Variants in ZNF385D observed in about 807,000 individuals in gnomAD.
The protein encoded by ZNF385D is zinc finger protein 659.
A neutral mutation model predicts 35.8 loss-of-function variants in ZNF385D; 15 were observed. The observed-to-expected ratio is 0.42, with a 90% confidence interval of 0.28 to 0.64. The LOEUF is 0.64. Ranked by LOEUF, ZNF385D falls within the 30% of genes least tolerant of loss-of-function variation. The pLI, the probability that ZNF385D is intolerant of heterozygous loss-of-function variation, is 0.23. For synonymous variants in ZNF385D, 212 were observed against 186.8 expected, an observed-to-expected ratio of 1.13 and a Z score of -1.10; for missense variants, 474 against 494.6, an observed-to-expected ratio of 0.96 and a Z score of 0.39.
chr3:22,341,732 C>T (rs1695428736), intron 2 of ZNF385D, among the ~76,000 whole-genome samples: 1 of 152,182 alleles, frequency 6.6e-6, no homozygotes, highest in Non-Finnish European at 1.5e-5. Flanking sequence ...AAACTCATAA[C>T]TGCCTATGGA....
intron 1 of ZNF385D, among the ~76,000 whole-genome samples, chr3:21,705,934 T>C (rs2125397928): frequency 6.6e-6 from 1 of 152,304 alleles, no homozygotes. Flanking sequence ...GCCTGGGACA[T>C]GTGCCCAGAT....
At chr3:22,194,702 C>G (rs112935128) in intron 2 of ZNF385D, among the ~76,000 whole-genome samples, 6 of 151,896 alleles carry the variant, frequency 4.0e-5, no homozygotes, top group African/African-American at 1.4e-4. Flanking sequence ...CTAATCTGTT[C>G]TATGTCATTC....
rs141644250 is a variant in ZNF385D, at chr3:21,685,893, C to A, written c.23-20865G>T. Among the ~76,000 whole-genome samples, 22 of 152,192 alleles carry A rather than the reference C, an allele frequency of 1.4e-4. No individual in the cohort carries two copies. The East Asian group carries it at 3.1e-3, about 21-fold the overall frequency. Reference sequence around the variant, plus strand: ...CATGAAAGCAAGACAGGTGAATTCTCCCAGGCAATAATTCCTCAACTGAGA... The same window carrying A: ...CATGAAAGCAAGACAGGTGAATTCTACCAGGCAATAATTCCTCAACTGAGA... On this transcript the variant is annotated intron_variant, in intron 1 of 7. Transcript: ENST00000281523.
chr3:21,636,678 G>C (rs2065460787), intron 2 of ZNF385D, among the ~76,000 whole-genome samples: 1 of 151,518 alleles, frequency 6.6e-6, no homozygotes, highest in South Asian at 2.1e-4. Flanking sequence ...ATTAAGGGTG[G>C]ATCTGCCTTT....
At chr3:22,136,303 G>A (rs756446768) in intron 3 of ZNF385D, among the ~76,000 whole-genome samples, 9 of 152,014 alleles carry the variant, frequency 5.9e-5, no homozygotes, top group Non-Finnish European at 1.0e-4. Flanking sequence ...TACGAGAATC[G>A]CTTGAACCTG....
chr3:21,585,908 T>TA (rs1429199023), intron 2 of ZNF385D, among the ~76,000 whole-genome samples: 1 of 152,182 alleles, frequency 6.6e-6, no homozygotes, highest in African/African-American at 2.4e-5. Context: ...GTAGCTCATG[T>TA]CTGTAGTCCT....
At chr3:21,545,810 G>A (rs1236680134) in intron 3 of ZNF385D, among the ~76,000 whole-genome samples, 2 of 152,276 alleles carry the variant, frequency 1.3e-5, no homozygotes, top group South Asian at 2.1e-4. Flanking sequence ...AGTAAAGAGT[G>A]TCACTTTCTA....
intron 3 of ZNF385D, among the ~76,000 whole-genome samples, chr3:21,889,731 C>G (rs1270333098): frequency 6.6e-6 from 1 of 152,106 alleles, no homozygotes; most frequent in Non-Finnish European, 1.5e-5. Flanking sequence ...TTTACAAGGG[C>G]TGCCATGACA....
chr3:22,267,552 C>A (rs1425481593), intron 2 of ZNF385D, among the ~76,000 whole-genome samples: 1 of 151,804 alleles, frequency 6.6e-6, no homozygotes, highest in African/African-American at 2.4e-5. Flanking sequence ...ATCAATATTT[C>A]TCAGTAAGAA....
At chr3:21,839,669 C>G (rs1575753958) in intron 3 of ZNF385D, among the ~76,000 whole-genome samples, 2 of 151,986 alleles carry the variant, frequency 1.3e-5, no homozygotes, top group African/African-American at 4.8e-5. Flanking sequence ...GACTCCAGAC[C>G]ACATCACTTT....
At chr3:21,687,979 C>G (rs537045214) in intron 1 of ZNF385D, among the ~76,000 whole-genome samples, 2 of 152,112 alleles carry the variant, frequency 1.3e-5, no homozygotes, top group East Asian at 1.9e-4. Context: ...ACTGCAAGCT[C>G]GAGCTCCTAA....
chr3:21,730,928 C>T (rs1341615097), intron 1 of ZNF385D, among the ~76,000 whole-genome samples: 2 of 152,126 alleles, frequency 1.3e-5, no homozygotes, highest in Non-Finnish European at 2.9e-5. Context: ...AATGCTTTTC[C>T]TACTGAGGCT....
chr3:22,119,661 G>C (rs1030255888), intron 3 of ZNF385D, among the ~76,000 whole-genome samples: 2 of 152,040 alleles, frequency 1.3e-5, no homozygotes, highest in African/African-American at 4.8e-5. Context: ...CACTGTGCAG[G>C]ACAGGTTGCT....
At chr3:22,036,189 G>A (rs1024613319) in intron 3 of ZNF385D, among the ~76,000 whole-genome samples, 2 of 152,134 alleles carry the variant, frequency 1.3e-5, no homozygotes, top group African/African-American at 4.8e-5. Context: ...CAGGTGAAAG[G>A]GAAAGGATTC....
chr3:21,634,576 T>C (rs2065375401), intron 2 of ZNF385D, among the ~76,000 whole-genome samples: 1 of 152,030 alleles, frequency 6.6e-6, no homozygotes, highest in South Asian at 2.1e-4. Context: ...ATTCAAATAT[T>C]TTTTTAGTCA....
intron 3 of ZNF385D, among the ~76,000 whole-genome samples, chr3:21,959,141 A>G (rs3821387): frequency 0.27 from 41,288 of 152,142 alleles, 5,818 homozygotes; most frequent in South Asian, 0.38. Flanking sequence ...CACAAATAAC[A>G]TATAATTCCA....
intron 2 of ZNF385D, among the ~76,000 whole-genome samples, chr3:22,300,989 T>A (rs1477400919): frequency 6.6e-6 from 1 of 152,096 alleles, no homozygotes; most frequent in Non-Finnish European, 1.5e-5. Flanking sequence ...TGTATTCCCA[T>A]GTTCTTTGCA....
intron 3 of ZNF385D, among the ~76,000 whole-genome samples, chr3:22,143,122 G>T (rs866858306): frequency 1.4e-5 from 2 of 142,868 alleles, no homozygotes; most frequent in Non-Finnish European, 3.0e-5. Context: ...TCACTCTGTC[G>T]CCCAGGCTGG....
intron 4 of ZNF385D, among the ~76,000 whole-genome samples, chr3:21,484,288 G>A (rs574847347): frequency 4.6e-5 from 7 of 152,272 alleles, no homozygotes; most frequent in Admixed American, 1.3e-4. Flanking sequence ...GCCAGTAGAA[G>A]TGGTTCATAG....
Sources: gnomAD v4.1 joint callset for allele counts (sites outside exome capture counted in the v4.1 genomes callset) on GRCh38, gnomAD v4.1.1 for gene constraint, MANE v1.5 for transcripts, NCBI Gene and HGNC (gene_info 2026-07-23, HGNC 2026-07-21) for gene names.